The following RASGRF2 variants were observed in gnomAD, a reference collection of about 807,000 sequenced individuals.
RASGRF2 encodes ras-specific guanine nucleotide-releasing factor 2.
A neutral mutation model predicts 151.0 loss-of-function variants in RASGRF2; 76 were observed. That is an observed-to-expected ratio of 0.50 (90% confidence interval 0.42 to 0.61). The LOEUF is 0.61. Among genes scored for constraint, RASGRF2 ranks in the 20% least tolerant of loss-of-function variants. The pLI, the probability that RASGRF2 is intolerant of heterozygous loss-of-function variation, is 0.00. For synonymous variants in RASGRF2, 504 were observed against 566.5 expected, an observed-to-expected ratio of 0.89 and a Z score of 1.57; for missense variants, 1,148 against 1,564.6, an observed-to-expected ratio of 0.73 and a Z score of 4.49.
chr5:81,026,650 T>C (rs1561562360), intron 1 of RASGRF2, among the ~76,000 whole-genome samples: 1 of 152,222 alleles, frequency 6.6e-6, no homozygotes, highest in Non-Finnish European at 1.5e-5. Context: ...TCCAGTCAAC[T>C]TCATTAATGT....
intron 17 of RASGRF2, among the ~76,000 whole-genome samples, chr5:81,153,699 T>C (rs964440984): frequency 1.3e-5 from 2 of 152,138 alleles, no homozygotes; most frequent in Non-Finnish European, 2.9e-5. Context: ...AAATGGCGGA[T>C]ATAAATAGAA....
chr5:81,183,203 A>G (rs1398040126), intron 18 of RASGRF2: 2 of 983,754 alleles, frequency 2.0e-6, no homozygotes, highest in Non-Finnish European at 1.2e-6. Flanking sequence ...GATTTCTAGA[A>G]ACAGAAAAGC....
chr5:81,003,400 T>G (rs886334742), intron 1 of RASGRF2, among the ~76,000 whole-genome samples: 2 of 152,104 alleles, frequency 1.3e-5, no homozygotes, highest in African/African-American at 2.4e-5. Flanking sequence ...TTTTTTTGTA[T>G]TTTTAGTAGA....
At chr5:81,126,621 A>C (rs77429883) in intron 16 of RASGRF2, among the ~76,000 whole-genome samples, 5,440 of 152,206 alleles carry the variant, frequency 0.036, 330 homozygotes, top group African/African-American at 0.12. Flanking sequence ...CTATGGGTTC[A>C]CCTCTGCTGG....
chr5:81,129,151 A>C (rs1053147064), intron 17 of RASGRF2, among the ~76,000 whole-genome samples: 2 of 152,168 alleles, frequency 1.3e-5, no homozygotes, highest in Non-Finnish European at 2.9e-5. Flanking sequence ...TAAATAAATA[A>C]ATAATAAATC....
chr5:81,059,684 A>T (rs538135244), intron 2 of RASGRF2, among the ~76,000 whole-genome samples: 1 of 151,944 alleles, frequency 6.6e-6, no homozygotes, highest in African/African-American at 2.4e-5. Flanking sequence ...GTCTCTACTA[A>T]AAATATAAAA....
At chr5:81,131,360 T>C (rs932708197) in intron 17 of RASGRF2, among the ~76,000 whole-genome samples, 9 of 152,020 alleles carry the variant, frequency 5.9e-5, no homozygotes, top group Non-Finnish European at 8.8e-5. Context: ...TTCAATCTTT[T>C]TGGGGGGTCG....
chr5:81,106,116 T>C (rs1752838179), intron 12 of RASGRF2, among the ~76,000 whole-genome samples: 2 of 152,208 alleles, frequency 1.3e-5, no homozygotes. Context: ...CTCTGGGTGA[T>C]TCGAAAGACA....
chr5:81,085,263 C>G (rs895752936), intron 7 of RASGRF2, among the ~76,000 whole-genome samples: 1 of 139,316 alleles, frequency 7.2e-6, no homozygotes, highest in Non-Finnish European at 1.6e-5. Flanking sequence ...TGTTAATAAA[C>G]AAAAGTACAA....
intron 17 of RASGRF2, among the ~76,000 whole-genome samples, chr5:81,139,207 A>G (rs960138977): frequency 6.6e-6 from 1 of 152,158 alleles, no homozygotes; most frequent in Admixed American, 6.5e-5. Flanking sequence ...TGTTGCTAAT[A>G]TTTAGAAATA....
At chr5:80,971,249 G>A (rs1176348565) in intron 1 of RASGRF2, among the ~76,000 whole-genome samples, 3 of 152,044 alleles carry the variant, frequency 2.0e-5, no homozygotes. Context: ...CCCCAACCGT[G>A]GGTAGCCACC....
Sources: gnomAD v4.1 joint callset for allele counts (sites outside exome capture counted in the v4.1 genomes callset) on GRCh38, gnomAD v4.1.1 for gene constraint, MANE v1.5 for transcripts, NCBI Gene and HGNC (gene_info 2026-07-23, HGNC 2026-07-21) for gene names.